The following ABCB8 variants were observed in gnomAD, a reference collection of about 807,000 sequenced individuals.
ABCB8 encodes the protein ATP binding cassette subfamily B member 8.
Under a neutral mutation model 73.0 loss-of-function variants are expected in ABCB8, and 52 were observed. The observed-to-expected ratio is 0.71, with a 90% CI of 0.57 to 0.90. The LOEUF is 0.90. ABCB8 is among the 40% of genes least tolerant of loss of function. The pLI is 0.00. For synonymous variants in ABCB8, 428 were observed against 423.5 expected, an observed-to-expected ratio of 1.01 and a Z score of -0.13; for missense variants, 909 against 974.6, an observed-to-expected ratio of 0.93 and a Z score of 0.90.
intron 13 of ABCB8, among the ~76,000 whole-genome samples, chr7:151,041,729 C>G (rs1796469794): frequency 6.6e-6 from 1 of 152,230 alleles, no homozygotes; most frequent in Non-Finnish European, 1.5e-5. Context: ...GCTCCTCCCA[C>G]TCCCACTCCT....
chr7:151,036,415 C>T (rs1292872002), intron 8 of ABCB8, 129 bp from the exon 9 acceptor site: 12 of 968,002 alleles, frequency 1.2e-5, no homozygotes, highest in East Asian at 7.3e-5. Context: ...CTTGCTCTTC[C>T]GAGGAGGAAG....
intron 13 of ABCB8, 134 bp downstream of exon 13, chr7:151,041,366 C>A: frequency 8.1e-7 from 1 of 1,231,032 alleles, no homozygotes; most frequent in Non-Finnish European, 1.1e-6. Context: ...TGGCCGTCTT[C>A]ACATGTCCTC....
At position 151,033,609 on chromosome 7, in the gene ABCB8, T is replaced by G. The variant is rs1235058020; in HGVS notation, c.100T>G (p.Ser34Ala). The change falls in exon 2 of 16, where the codon TCT (serine) becomes GCT (alanine). Residue 34 changes from serine (S) to alanine (A), a missense_variant. By Grantham distance (99) the Ser-to-Ala change is moderately conservative. Transcript: ENST00000358849. Reference protein sequence around the residue: ...RFQTFSAVRYSDGYRSSSLLR... With the variant: ...RFQTFSAVRYADGYRSSSLLR... ...CATGCCTCTCTCTCCTTACAGGTAC[T>G]CTGATGGCTACCGCAGCTCCTCCCT... 1 of 1,569,710 alleles carries G rather than the reference T, an allele frequency of 6.4e-7. No individual in the cohort carries two copies. The highest frequency in any genetic ancestry group is 8.7e-7 in the Non-Finnish European group (1 of 1,155,106).
At chr7:151,030,990 T>A (rs1353904239) in intron 1 of ABCB8, among the ~76,000 whole-genome samples, 3 of 152,190 alleles carry the variant, frequency 2.0e-5, no homozygotes, top group African/African-American at 7.2e-5. Flanking sequence ...GAGAAAATGT[T>A]ATTTTGTGAA....
intron 9 of ABCB8, chr7:151,037,502 C>T: frequency 3.3e-6 from 2 of 600,874 alleles, no homozygotes; most frequent in Non-Finnish European, 5.9e-6. Context: ...CCTCCCCCCT[C>T]CTATCTCTTT....
chr7:151,037,605 C>T (rs756246091), intron 9 of ABCB8: 5 of 428,330 alleles, frequency 1.2e-5, no homozygotes, highest in Non-Finnish European at 2.2e-5. Flanking sequence ...GGTGAAGACC[C>T]GTCTCCACGA....
At chr7:151,043,051 G>A (rs1420576118) in intron 14 of ABCB8, among the ~76,000 whole-genome samples, 1 of 152,236 alleles carries the variant, frequency 6.6e-6, no homozygotes, top group Non-Finnish European at 1.5e-5. Flanking sequence ...CTCCCAGGCT[G>A]CCACTTGTGC....
chr7:151,036,409 C>G, intron 8 of ABCB8, 135 bp from the exon 9 acceptor site: 2 of 916,738 alleles, frequency 2.2e-6, no homozygotes, highest in Non-Finnish European at 3.5e-6. Context: ...CCCCAACTTG[C>G]TCTTCCGAGG....
chr7:151,035,406 A>G (rs1053970185), intron 5 of ABCB8, among the ~76,000 whole-genome samples, 175 bp from the exon 6 acceptor site: 10 of 152,100 alleles, frequency 6.6e-5, no homozygotes, highest in East Asian at 3.9e-4. Context: ...TCGCACCCCA[A>G]CTGGCCGAGT....
In ABCB8 at chr7:151,044,057, C is replaced by T. The variant is rs1207735716; in HGVS notation, c.1852C>T (p.Leu618=). Residue 618 remains leucine, a synonymous_variant, in exon 15 of 16, where the codon CTG becomes TTG. Coordinates refer to ENST00000358849, the MANE Select transcript of ABCB8 (RefSeq NM_007188.5). ...TATCAAGCAGCCCACGGTGCTGATA[C>T]TGGATGAAGCTACCAGCGCGCTGGA... The part of the protein sequence containing the change: ...ALIKQPTVLI[L]DEATSALDAE... 6 of 1,613,496 alleles carry T rather than the reference C, an allele frequency of 3.7e-6. No homozygotes were observed. The highest frequency in any genetic ancestry group is 5.1e-6 in the Non-Finnish European group (6 of 1,179,978).
At chr7:151,031,377 A>G in intron 1 of ABCB8, 1 of 1,496,104 alleles carries the variant, frequency 6.7e-7, no homozygotes, top group Non-Finnish European at 8.9e-7. Context: ...GGGTGGGAGA[A>G]GGCCTCATGT....
At chr7:151,032,998 TCTG>T (rs1018900015) in intron 1 of ABCB8, 3 of 456,530 alleles carry the variant, frequency 6.6e-6, no homozygotes, top group Non-Finnish European at 1.3e-5. Context: ...TCGTCCCAGT[TCTG>T]CTGCCTGCGG....
intron 7 of ABCB8, 39 bp downstream of exon 7, chr7:151,036,006 C>G (rs922500393): frequency 1.8e-5 from 29 of 1,612,870 alleles, no homozygotes; most frequent in Non-Finnish European, 2.4e-5. Context: ...CAGAGATGCC[C>G]CCCACACCCT....
intron 8 of ABCB8, among the ~76,000 whole-genome samples, 182 bp from the exon 9 acceptor site, chr7:151,036,362 C>G (rs946169873): frequency 6.6e-6 from 1 of 152,216 alleles, no homozygotes; most frequent in Non-Finnish European, 1.5e-5. Flanking sequence ...TGGAACGCTA[C>G]AGGGCCACCC....
chr7:151,043,362 G>A (rs1796518786), intron 14 of ABCB8, among the ~76,000 whole-genome samples: 1 of 152,164 alleles, frequency 6.6e-6, no homozygotes, highest in Non-Finnish European at 1.5e-5. Context: ...GCCAGTGCAG[G>A]GGGAACCCAG....
At chr7:151,030,318 C>T (rs1171795173) in intron 1 of ABCB8, among the ~76,000 whole-genome samples, 1 of 151,648 alleles carries the variant, frequency 6.6e-6, no homozygotes, top group African/African-American at 2.4e-5. Flanking sequence ...AGTTTAAGAC[C>T]AGCCTGGCCA....
rs751364605 is a variant in ABCB8 at position 151,028,535 on chromosome 7, G to GCT, written c.20_21insCT (p.Val8TrpfsTer56). 1 of 1,613,854 alleles carries GCT rather than the reference G, an allele frequency of 6.2e-7. No individual in the cohort carries two copies. Among genetic ancestry groups the GCT allele is most frequent in the Admixed American group, 1.7e-5 (1 of 59,970 alleles). On this transcript the variant is annotated frameshift_variant, in exon 1 of 16. Transcript: ENST00000358849. LOFTEE classifies it high-confidence loss of function. ...GTCAGCATGCTGGTGCATTTATTTC[G>GCT]GGTCGGGATTCGGGGTGGCCCATTC...
Position 151,041,170 on chromosome 7 carries a change from C to T in ABCB8, c.1555C>T (p.Arg519Trp), listed in dbSNP as rs555691881. The T allele has an allele frequency of 1.4e-5, 22 of 1,610,528 alleles. No homozygotes were observed. The South Asian group carries it at 1.5e-4, about 11-fold the overall frequency. ...PTAGVVMLDG[R>W]DLRTLDPSWL... is the part of the protein sequence containing the mutation. ...GGCAGGCGTGGTGATGCTGGATGGG[C>T]GGGACCTGCGCACCCTTGACCCCTC... is the stretch of plus-strand genomic sequence containing the variant. The change falls in exon 13 of 16, where the codon CGG becomes TGG. Residue 519 changes from arginine to tryptophan, a missense_variant. Physicochemically the swap from Arg to Trp is moderately radical, Grantham distance 101. Transcript: ENST00000358849.
At chr7:151,040,161 C>T in intron 9 of ABCB8, 107 bp from the exon 10 acceptor site, 2 of 1,362,854 alleles carry the variant, frequency 1.5e-6, no homozygotes, top group Non-Finnish European at 2.0e-6. Context: ...CTGCATTTGG[C>T]CACAGGCCAC....
Sources: gnomAD v4.1 joint callset for allele counts (sites outside exome capture counted in the v4.1 genomes callset) on GRCh38, gnomAD v4.1.1 for gene constraint, MANE v1.5 for transcripts, NCBI Gene and HGNC (gene_info 2026-07-23, HGNC 2026-07-21) for gene names.